AASS: variants seen among roughly 807,000 people sequenced by gnomAD.
The protein encoded by AASS is aminoadipate-semialdehyde synthase.
AASS carries 86 observed loss-of-function variants against 105.4 expected under a neutral mutation model. That is an observed-to-expected ratio of 0.82 (90% CI 0.69 to 0.98). The LOEUF (loss-of-function observed/expected upper bound fraction) is 0.98. Among genes scored for constraint, AASS ranks in the 50% least tolerant of loss-of-function variants. AASS has a pLI of 0.00. For missense variants in AASS, 1,048 were observed against 1,143.2 expected (o/e 0.92, Z 1.20); for synonymous variants, 381 against 394.8 (o/e 0.96, Z 0.41).
At chr7:122,115,674 C>T (rs916573629) in intron 8 of AASS, among the ~76,000 whole-genome samples, 1 of 152,052 alleles carries the variant, frequency 6.6e-6, no homozygotes, top group Non-Finnish European at 1.5e-5. Context: ...AAGATTAAAT[C>T]GGATAACATC....
intron 18 of AASS, among the ~76,000 whole-genome samples, 184 bp from the exon 19 acceptor site, chr7:122,086,363 T>TTC (rs1370412323): frequency 6.6e-6 from 1 of 152,128 alleles, no homozygotes; most frequent in Non-Finnish European, 1.5e-5. Context: ...AAAGCAATTC[T>TTC]TCTCTCAAGC....
chr7:122,130,489 C>T (rs1190227648), intron 2 of AASS, among the ~76,000 whole-genome samples: 5 of 151,934 alleles, frequency 3.3e-5, no homozygotes, highest in African/African-American at 1.2e-4. Context: ...AAGCTCTTTG[C>T]ATGAATTATC....
At chr7:122,089,922 AT>A (rs1462543702) in intron 18 of AASS, among the ~76,000 whole-genome samples, 1 of 152,210 alleles carries the variant, frequency 6.6e-6, no homozygotes, top group Non-Finnish European at 1.5e-5. Flanking sequence ...TATACCAAAC[AT>A]AGGCCAGTCT....
intron 11 of AASS, 87 bp downstream of exon 11, chr7:122,113,031 G>T: frequency 9.4e-7 from 1 of 1,064,348 alleles, no homozygotes; most frequent in Non-Finnish European, 1.4e-6. Flanking sequence ...AGATTTCTTA[G>T]ATACAGAAGA....
At chr7:122,085,760 G>A (rs540918950) in intron 19 of AASS, among the ~76,000 whole-genome samples, 4 of 152,160 alleles carry the variant, frequency 2.6e-5, no homozygotes, top group African/African-American at 9.6e-5. Flanking sequence ...TCAGGTCCTG[G>A]GGAAGTCACT....
At chr7:122,120,748 T>G (rs1795402500) in intron 4 of AASS, among the ~76,000 whole-genome samples, 1 of 152,048 alleles carries the variant, frequency 6.6e-6, no homozygotes, top group South Asian at 2.1e-4. Context: ...TAAGCTATAC[T>G]TTAAATTTTT....
Position 122,077,929 on chromosome 7 carries a change from A to T in AASS, c.2571T>A (p.Asp857Glu), listed in dbSNP as rs891766148. The T allele has an allele frequency of 1.2e-6, 2 of 1,614,174 alleles. No individual in the cohort carries two copies. The change falls in exon 23 of 24, where the codon GAT becomes GAA. Residue 857 changes from aspartate to glutamate, a missense_variant. Asp to Glu is a conservative substitution (Grantham distance 45). Transcript: ENST00000417368. ...CATTGATGTCCCCATAAGCCACAAGATCAATCGTTTTATGTTCTAAATGTC... is the reference window on the plus strand; with the variant it reads ...CATTGATGTCCCCATAAGCCACAAGTTCAATCGTTTTATGTTCTAAATGTC... ...PSGHLEHKTIDLVAYGDINGF... is the reference protein window; with the variant it reads ...PSGHLEHKTIELVAYGDINGF...
intron 13 of AASS, 45 bp from the exon 14 acceptor site, chr7:122,098,911 TA>T: frequency 1.3e-6 from 2 of 1,498,984 alleles, no homozygotes; most frequent in South Asian, 2.6e-5. Context: ...AGGGGCTAAT[TA>T]AAAATTTTTT....
intron 11 of AASS, among the ~76,000 whole-genome samples, chr7:122,103,536 GTAGA>G (rs934673057): frequency 6.6e-6 from 1 of 151,868 alleles, no homozygotes; most frequent in African/African-American, 2.4e-5. Flanking sequence ...ACTGATAAAG[GTAGA>G]TATATATTCA....
chr7:122,093,344 A>C (rs991097548), intron 15 of AASS, among the ~76,000 whole-genome samples, 186 bp from the exon 16 acceptor site: 1 of 152,210 alleles, frequency 6.6e-6, no homozygotes, highest in Admixed American at 6.5e-5. Context: ...GATAGTTCAG[A>C]GATTTCTCAA....
chr7:122,129,670 G>A, intron 2 of AASS, 133 bp from the exon 3 acceptor site: 1 of 765,002 alleles, frequency 1.3e-6, no homozygotes, highest in Non-Finnish European at 2.2e-6. Flanking sequence ...ACAAATAATA[G>A]AACAACTACT....
intron 2 of AASS, 55 bp downstream of exon 2, chr7:122,133,462 A>AATTTTCAT: frequency 6.4e-7 from 1 of 1,574,388 alleles, no homozygotes; most frequent in Non-Finnish European, 8.7e-7. Flanking sequence ...GATGCTCCTT[A>AATTTTCAT]ATTTTCATAT....
At chr7:122,090,262 C>T (rs1793831146) in intron 18 of AASS, among the ~76,000 whole-genome samples, 1 of 152,098 alleles carries the variant, frequency 6.6e-6, no homozygotes, top group Admixed American at 6.6e-5. Flanking sequence ...TTGTTTAGTA[C>T]TATTTTAAGT....
At chr7:122,078,396 G>A (rs1477484255) in intron 22 of AASS, among the ~76,000 whole-genome samples, 2 of 151,490 alleles carry the variant, frequency 1.3e-5, no homozygotes, top group African/African-American at 2.4e-5. Flanking sequence ...GGCGGATCAC[G>A]AGGTCAGGAG....
chr7:122,079,744 G>C, intron 20 of AASS, 32 bp from the exon 21 acceptor site: 1 of 1,517,320 alleles, frequency 6.6e-7, no homozygotes, highest in Non-Finnish European at 9.1e-7. Context: ...ATATTTCTAA[G>C]TCCCTAACAA....
intron 1 of AASS, among the ~76,000 whole-genome samples, chr7:122,143,683 G>T (rs976784724): frequency 3.3e-5 from 5 of 151,744 alleles, no homozygotes; most frequent in African/African-American, 1.2e-4. Context: ...GGAGGGAAGG[G>T]GGAAAGAACC....
chr7:122,106,068 T>C (rs543695708), intron 11 of AASS, among the ~76,000 whole-genome samples: 3 of 152,232 alleles, frequency 2.0e-5, no homozygotes, highest in African/African-American at 7.2e-5. Context: ...GTTGATTTTG[T>C]ATCCTGAAAC....
chr7:122,127,155 G>T (rs1795696847), intron 3 of AASS, among the ~76,000 whole-genome samples: 1 of 152,104 alleles, frequency 6.6e-6, no homozygotes, highest in Admixed American at 6.6e-5. Flanking sequence ...GATAAAACCT[G>T]GAGTGATTCC....
At chr7:122,127,617 T>C (rs1255792284) in intron 3 of AASS, among the ~76,000 whole-genome samples, 1 of 152,164 alleles carries the variant, frequency 6.6e-6, no homozygotes, top group Non-Finnish European at 1.5e-5. Flanking sequence ...TACTACAAAT[T>C]AACTGTCACC....
Sources: allele counts gnomAD v4.1 joint callset (sites outside exome capture counted in the v4.1 genomes callset), GRCh38; gene constraint gnomAD v4.1.1; transcripts MANE v1.5; gene names NCBI Gene and HGNC (gene_info 2026-07-23, HGNC 2026-07-21).